GDNF: variants seen among roughly 807,000 people sequenced by gnomAD.
GDNF encodes the protein glial cell line-derived neurotrophic factor.
Under a neutral mutation model 13.7 loss-of-function variants are expected in GDNF, and 5 were observed. The observed-to-expected ratio is 0.36, with a 90% CI of 0.19 to 0.77. The LOEUF (loss-of-function observed/expected upper bound fraction) is 0.77, where lower values mean the gene tolerates loss of function less well. Among genes scored for constraint, GDNF ranks in the 30% least tolerant of loss-of-function variants. GDNF has a pLI of 0.51. For missense variants in GDNF, 246 were observed against 274.3 expected (o/e 0.90, Z 0.73); for synonymous variants, 122 against 112.5 (o/e 1.08, Z -0.53).
At position 37,829,329 on chromosome 5, in the gene GDNF, G is replaced by A. The variant is rs141682435; in HGVS notation, c.151+5317C>T. On this transcript the variant is annotated intron_variant, in intron 2 of 2. Coordinates refer to ENST00000326524, the MANE Select transcript of GDNF (RefSeq NM_000514.4). ...CAAATCCTCCCTCTTCCCTGAAGTC[G>A]TCCCTGCTATGATACCCAAATCCCA... Among the ~76,000 whole-genome samples, 392 of 151,932 alleles carry A rather than the reference G, an allele frequency of 2.6e-3. 2 individuals carry two copies. Among genetic ancestry groups the A allele is most frequent in the African/African-American group, 9.0e-3 (371 of 41,408 alleles).
At chr5:37,824,128 G>A in intron 2 of GDNF, 4 of 643,990 alleles carry the variant, frequency 6.2e-6, no homozygotes, top group Non-Finnish European at 7.7e-6. Context: ...AAAGGGCCCT[G>A]TATCTGCATA....
chr5:37,835,122 A>AC (rs1750658740), intron 1 of GDNF, among the ~76,000 whole-genome samples: 2 of 97,262 alleles, frequency 2.1e-5, no homozygotes, highest in African/African-American at 3.9e-5. Flanking sequence ...TTAACCCCCC[A>AC]CCCCCACCAC....
Position 37,837,042 on chromosome 5 carries a change from T to C in GDNF, c.-26-2220A>G, listed in dbSNP as rs1411910731. 6.6e-6 allele frequency among the ~76,000 whole-genome samples: 1 copy of C among 152,066 alleles called. No homozygotes were observed. Among genetic ancestry groups the C allele is most frequent in the Non-Finnish European group, 1.5e-5 (1 of 68,012 alleles). ...GACAGGGAGGGCGCATTCTTCCCTC[T>C]GAGCGCCGCCGGGACCGGCTCCAGT... On this transcript the variant is annotated intron_variant, in intron 1 of 2. Coordinates refer to ENST00000326524, the MANE Select transcript of GDNF (RefSeq NM_000514.4). The surrounding 1 kb of genome is among the most constrained non-coding windows in gnomAD (Gnocchi z 6.5).
At chr5:37,822,762 A>G (rs1750186320) in intron 2 of GDNF, among the ~76,000 whole-genome samples, 1 of 152,206 alleles carries the variant, frequency 6.6e-6, no homozygotes, top group African/African-American at 2.4e-5. Flanking sequence ...GTGCATACAT[A>G]TGCGTCTACA....
In GDNF at chr5:37,834,775, C is replaced by T; in HGVS notation, c.22G>A (p.Ala8Thr). The T allele has an allele frequency of 6.2e-7, 1 of 1,613,318 alleles. No individual in the cohort carries two copies. The highest frequency in any genetic ancestry group is 1.1e-5 in the South Asian group (1 of 91,066). MKLWDVV[A>T]VCLVLLHTAS... ...GTGTGGAGCAGCACCAGGCAGACAG[C>T]CACGACATCCCATAACTTCATCTTA... The change falls in exon 2 of 3, where the codon GCT becomes ACT. Residue 8 changes from alanine (A) to threonine (T), a missense_variant. Transcript: ENST00000326524.
intron 2 of GDNF, among the ~76,000 whole-genome samples, chr5:37,824,731 T>C (rs1196661129): frequency 1.3e-5 from 2 of 152,220 alleles, no homozygotes; most frequent in African/African-American, 4.8e-5. Context: ...ATTCATCTAG[T>C]GTTTGGTAGA....
chr5:37,826,652 C>T (rs200376749), intron 2 of GDNF, among the ~76,000 whole-genome samples: 1 of 152,232 alleles, frequency 6.6e-6, no homozygotes, highest in East Asian at 1.9e-4. Flanking sequence ...CAGACTGAGG[C>T]ACCTGGCCCT....
chr5:37,819,614 G>A (rs1177176784), intron 2 of GDNF, among the ~76,000 whole-genome samples: 1 of 151,580 alleles, frequency 6.6e-6, no homozygotes, highest in Non-Finnish European at 1.5e-5. Context: ...CATCACACCC[G>A]GCTAATTTTT....
rs1209783993 is a variant in GDNF at position 37,813,000 on chromosome 5, G to GC, written c.*2650_*2651insG. ...GGGCAGGGACTCTCCATGGGGAGTTGTTGGGGGGGGTCACTGAGGTTGAAG... is the reference window on the plus strand; with the variant it reads ...GGGCAGGGACTCTCCATGGGGAGTTGCTTGGGGGGGGTCACTGAGGTTGAAG... On this transcript the variant is annotated 3_prime_UTR_variant, in exon 3 of 3. Transcript: ENST00000326524. The GC allele has an allele frequency of 6.6e-6, 1 of 152,142 alleles. No individual in the cohort carries two copies. Among genetic ancestry groups the GC allele is most frequent in the African/African-American group, 2.4e-5 (1 of 41,366 alleles). 9.4% of individuals were successfully genotyped at this position (152,142 alleles called of 1,614,324 possible). A position where few individuals can be genotyped will look rare whatever the true frequency, so the allele number is the denominator to read the frequency against.
rs571164917 is a variant in GDNF at position 37,835,194 on chromosome 5, G to A, written c.-26-372C>T. The stretch of plus-strand genomic sequence containing the variant: ...CATCCCCCATTCCTGGGGGGCAATC[G>A]GGTAGTTCCCACCCTTCGTCCTCCA... On this transcript the variant is annotated intron_variant, in intron 1 of 2. Coordinates refer to ENST00000326524, the MANE Select transcript of GDNF (RefSeq NM_000514.4). 3.0e-3 allele frequency among the ~76,000 whole-genome samples: 450 copies of A among 148,238 alleles called. 1 individual carries two copies. The highest frequency in any genetic ancestry group is 0.011 in the African/African-American group (440 of 39,792).
rs915132347 is a variant in GDNF at position 37,833,564 on chromosome 5, G to A, written c.151+1082C>T. 9.2e-5 allele frequency among the ~76,000 whole-genome samples: 14 copies of A among 152,310 alleles called. No individual in the cohort carries two copies. The East Asian group carries it at 1.9e-3, about 21-fold the overall frequency. On this transcript the variant is annotated intron_variant, in intron 2 of 2. Coordinates refer to ENST00000326524, the MANE Select transcript of GDNF (RefSeq NM_000514.4). ...ATTTACTGGGTTGTTTCCTAGCCAA[G>A]GCCATTGGGTTTGGGGGACTCAGCG...
chr5:37,831,485 A>G (rs891407697), intron 2 of GDNF, among the ~76,000 whole-genome samples: 2 of 152,258 alleles, frequency 1.3e-5, no homozygotes, highest in Non-Finnish European at 2.9e-5. Flanking sequence ...AAGGAATATG[A>G]CTATGATGAA....
intron 1 of GDNF, chr5:37,835,735 T>C: frequency 7.8e-7 from 1 of 1,274,518 alleles, no homozygotes; most frequent in Admixed American, 2.0e-5. Context: ...TTTGAGAGAT[T>C]CTGGCCCTAA....
chr5:37,815,427 C>G lies in GDNF; in HGVS notation c.*224G>C. On this transcript the variant is annotated 3_prime_UTR_variant, in exon 3 of 3. Coordinates refer to ENST00000326524, the MANE Select transcript of GDNF (RefSeq NM_000514.4). The surrounding 1 kb of genome is among the most constrained non-coding windows in gnomAD (Gnocchi z 5.0). ...GAGAATCCAGAGGGCTGTTTTCTCT[C>G]TCTCCTGTCCAGTTGTCTGTAGCTG... The G allele has an allele frequency of 3.4e-6, 2 of 592,426 alleles. No homozygotes were observed. The highest frequency in any genetic ancestry group is 6.0e-6 in the Non-Finnish European group (2 of 332,662). 36.7% of individuals were successfully genotyped at this position (592,426 alleles called of 1,614,324 possible).
At chr5:37,820,344 C>A (rs1396456593) in intron 2 of GDNF, among the ~76,000 whole-genome samples, 2 of 152,186 alleles carry the variant, frequency 1.3e-5, no homozygotes, top group African/African-American at 4.8e-5. Flanking sequence ...TTTGAATCAG[C>A]ACTTATAGTG....
In GDNF at chr5:37,834,653, G is replaced by C. The variant is rs1367849014; in HGVS notation, c.144C>G (p.Ser48Arg). 6.3e-7 allele frequency: 1 copy of C among 1,593,480 alleles called. No homozygotes were observed. The highest frequency in any genetic ancestry group is 2.3e-5 in the East Asian group (1 of 44,148). Residue 48 changes from serine (S) to arginine (R), a missense_variant, in exon 2 of 3, where the codon AGC (serine) becomes AGG (arginine). Coordinates refer to ENST00000326524, the MANE Select transcript of GDNF (RefSeq NM_000514.4). The part of the protein sequence containing the change: ...LGRRRAPFAL[S>R]SDSNMPEDYP... ...GGAGGGAACGGTTCTTACAGTCACTGCTCAGCGCGAAGGGCGCGCGGCGGC... is the reference window on the plus strand; with the variant it reads ...GGAGGGAACGGTTCTTACAGTCACTCCTCAGCGCGAAGGGCGCGCGGCGGC...
chr5:37,835,355 C>A, intron 1 of GDNF: 1 of 974,082 alleles, frequency 1.0e-6, no homozygotes, highest in Non-Finnish European at 1.4e-6. Flanking sequence ...CCCAACCGGG[C>A]TTCTGGCTAG....
intron 2 of GDNF, 34 bp downstream of exon 2, chr5:37,834,611 CG>C: frequency 7.0e-7 from 1 of 1,433,924 alleles, no homozygotes; most frequent in South Asian, 1.5e-5. Flanking sequence ...GGGGGTCCGC[CG>C]GCGGCCCCCC....
intron 2 of GDNF, among the ~76,000 whole-genome samples, chr5:37,818,259 A>G (rs894909049): frequency 6.6e-6 from 1 of 152,206 alleles, no homozygotes; most frequent in African/African-American, 2.4e-5. Context: ...TTTAGCTGCC[A>G]TAATCCCCAC....
Sources: allele counts gnomAD v4.1 joint callset (sites outside exome capture counted in the v4.1 genomes callset), GRCh38; gene constraint gnomAD v4.1.1; non-coding constraint Gnocchi (gnomAD v3.1); transcripts MANE v1.5; gene names NCBI Gene and HGNC (gene_info 2026-07-23, HGNC 2026-07-21).